MAGI2: variants seen among roughly 807,000 people sequenced by gnomAD.
The protein encoded by MAGI2 is membrane associated guanylate kinase, WW and PDZ domain containing 2.
A neutral mutation model predicts 133.3 loss-of-function variants in MAGI2; 35 were observed. The ratio of observed to expected loss-of-function variants is 0.26; its 90% CI spans 0.20 to 0.35. The LOEUF (loss-of-function observed/expected upper bound fraction) is 0.35. Among genes scored for constraint, MAGI2 ranks in the 10% least tolerant of loss-of-function variants. The pLI is 1.00. For missense variants in MAGI2, 1,636 were observed against 1,863.4 expected, an observed-to-expected ratio of 0.88 and a Z score of 2.25; for synonymous variants, 729 against 710.6, an observed-to-expected ratio of 1.03 and a Z score of -0.41.
intron 6 of MAGI2, among the ~76,000 whole-genome samples, chr7:78,472,951 G>A (rs1009366914): frequency 1.3e-5 from 2 of 152,190 alleles, no homozygotes; most frequent in South Asian, 2.1e-4. Context: ...CACCAACTGA[G>A]GAACCACAAG....
At chr7:78,302,094 GATC>G (rs1358910641) in intron 9 of MAGI2, among the ~76,000 whole-genome samples, 1 of 152,104 alleles carries the variant, frequency 6.6e-6, no homozygotes, top group Non-Finnish European at 1.5e-5. Context: ...TTTATATTTT[GATC>G]ATTATTGTAT....
At chr7:78,202,533 A>T (rs558482234) in intron 10 of MAGI2, among the ~76,000 whole-genome samples, 1 of 151,934 alleles carries the variant, frequency 6.6e-6, no homozygotes, top group Non-Finnish European at 1.5e-5. Flanking sequence ...AAATACAAAA[A>T]TTAGCCAGGT....
chr7:78,578,448 T>C (rs1049824410), intron 3 of MAGI2, among the ~76,000 whole-genome samples: 31 of 150,448 alleles, frequency 2.1e-4, no homozygotes, highest in African/African-American at 7.6e-4. Context: ...AGATAAAACA[T>C]AGAAAAGAGA....
intron 2 of MAGI2, among the ~76,000 whole-genome samples, chr7:78,790,989 T>A (rs537934347): frequency 6.6e-6 from 1 of 152,190 alleles, no homozygotes; most frequent in South Asian, 2.1e-4. Context: ...AGTCAAACAG[T>A]CTATAAAACA....
At chr7:78,449,490 C>T (rs1788493129) in intron 6 of MAGI2, among the ~76,000 whole-genome samples, 1 of 151,986 alleles carries the variant, frequency 6.6e-6, no homozygotes, top group South Asian at 2.1e-4. Flanking sequence ...GGAAATAAAA[C>T]AATTGGACTC....
intron 3 of MAGI2, among the ~76,000 whole-genome samples, chr7:78,608,308 C>T (rs955318493): frequency 2.4e-4 from 36 of 152,128 alleles, no homozygotes; most frequent in Non-Finnish European, 4.6e-4. Flanking sequence ...CCCTTCCATG[C>T]CTTCCCCTGT....
intron 3 of MAGI2, among the ~76,000 whole-genome samples, chr7:78,566,303 C>G (rs148477223): frequency 6.6e-6 from 1 of 151,888 alleles, no homozygotes; most frequent in South Asian, 2.1e-4. Context: ...AGATCCTGAA[C>G]GGTGGAAGGA....
At chr7:78,911,117 C>T (rs960019328) in intron 2 of MAGI2, among the ~76,000 whole-genome samples, 17 of 152,224 alleles carry the variant, frequency 1.1e-4, no homozygotes, top group African/African-American at 4.1e-4. Context: ...TTAGTTATGC[C>T]ACCTAAATCA....
At chr7:78,801,250 C>T (rs1156795439) in intron 2 of MAGI2, among the ~76,000 whole-genome samples, 1 of 37,994 alleles carries the variant, frequency 2.6e-5, no homozygotes, top group Non-Finnish European at 8.2e-5. Flanking sequence ...CTGCAAATTG[C>T]CTGATTTGAA....
chr7:79,032,064 T>C (rs2116822496), intron 1 of MAGI2, among the ~76,000 whole-genome samples: 1 of 152,312 alleles, frequency 6.6e-6, no homozygotes, highest in East Asian at 1.9e-4. Context: ...TTGAGCTATA[T>C]TTCATTACAT....
intron 1 of MAGI2, among the ~76,000 whole-genome samples, chr7:79,140,079 A>G (rs1038739101): frequency 2.0e-5 from 3 of 152,172 alleles, no homozygotes; most frequent in South Asian, 2.1e-4. Flanking sequence ...CATCCCCTTT[A>G]GCCTTCGAGA....
chr7:78,940,767 A>C (rs908838009), intron 2 of MAGI2: 1 of 152,230 alleles, frequency 6.6e-6, no homozygotes, highest in African/African-American at 2.4e-5. Context: ...ATTAAGCCAC[A>C]TGAAGGGGAA....
In MAGI2 at chr7:78,417,780, G is replaced by A. The variant is rs80083635; in HGVS notation, c.1046-48567C>T. On this transcript the variant is annotated intron_variant, in intron 6 of 21. Coordinates refer to ENST00000354212, the MANE Select transcript of MAGI2 (RefSeq NM_012301.4). ...TTGGATAAATTGTCTACAGCCACACGGACTTCAGTGGTAGAGTTTAGATTC... is the reference window on the plus strand; with the variant it reads ...TTGGATAAATTGTCTACAGCCACACAGACTTCAGTGGTAGAGTTTAGATTC... 7.6e-3 allele frequency among the ~76,000 whole-genome samples: 1,149 copies of A among 152,148 alleles called. 14 individuals carry two copies. The highest frequency in any genetic ancestry group is 0.026 in the African/African-American group (1,067 of 41,520).
chr7:79,441,308 TC>T lies in MAGI2; in HGVS notation c.301+11711del, dbSNP rs1327045024. ...TAACTTTGTGGTTTTCTAAGTTCTATCTGAAAAGATATTCAACTGAAGCAAA... is the reference window on the plus strand; with the variant it reads ...TAACTTTGTGGTTTTCTAAGTTCTATTGAAAAGATATTCAACTGAAGCAAA... On this transcript the variant is annotated intron_variant, in intron 1 of 21. Coordinates refer to ENST00000354212, the MANE Select transcript of MAGI2 (RefSeq NM_012301.4). Among the ~76,000 whole-genome samples the T allele has an allele frequency of 9.8e-4, 149 of 152,334 alleles. 1 individual carries two copies. The South Asian group carries it at 0.02, about 20-fold the overall frequency.
Position 78,669,690 on chromosome 7 carries a change from G to A in MAGI2, c.419-42451C>T, listed in dbSNP as rs551668426. On this transcript the variant is annotated intron_variant, in intron 2 of 21. Coordinates refer to ENST00000354212, the MANE Select transcript of MAGI2 (RefSeq NM_012301.4). ...ATCCTCAATAAAATACTGGCAAACC[G>A]AATCCAGCAGCACATTCAAAAAGCT... Among the ~76,000 whole-genome samples the A allele has an allele frequency of 7.3e-4, 111 of 151,750 alleles. 1 individual carries two copies. Among genetic ancestry groups the A allele is most frequent in the African/African-American group, 2.5e-3 (103 of 41,288 alleles).
intron 9 of MAGI2, among the ~76,000 whole-genome samples, chr7:78,298,699 T>C (rs1308611995): frequency 6.6e-6 from 1 of 152,120 alleles, no homozygotes; most frequent in Non-Finnish European, 1.5e-5. Flanking sequence ...AGATGGGGTC[T>C]TGCCATGTTG....
intron 2 of MAGI2, among the ~76,000 whole-genome samples, chr7:78,991,486 T>C (rs1805778103): frequency 6.6e-6 from 1 of 151,902 alleles, no homozygotes; most frequent in South Asian, 2.1e-4. Flanking sequence ...TATGTTCAGA[T>C]ATATATGTCT....
At chr7:78,033,445 C>A (rs1262525164) in intron 21 of MAGI2, among the ~76,000 whole-genome samples, 1 of 141,062 alleles carries the variant, frequency 7.1e-6, no homozygotes. Flanking sequence ...TGCACTCTAG[C>A]CTGAGCAACA....
chr7:78,596,626 G>A lies in MAGI2; in HGVS notation c.538+30494C>T, dbSNP rs987300263. Among the ~76,000 whole-genome samples the A allele has an allele frequency of 2.6e-5, 4 of 152,092 alleles. No individual in the cohort carries two copies. The East Asian group carries it at 5.8e-4, about 22-fold the overall frequency. ...CCACCATGGTAGGAAGGTTCTTGGT[G>A]GTGTTAGTTTTGATTCTCAACTGCT... On this transcript the variant is annotated intron_variant, in intron 3 of 21. Transcript: ENST00000354212.
Sources: allele counts gnomAD v4.1 joint callset (sites outside exome capture counted in the v4.1 genomes callset), GRCh38; gene constraint gnomAD v4.1.1; transcripts MANE v1.5; gene names NCBI Gene and HGNC (gene_info 2026-07-23, HGNC 2026-07-21).